The following SLC25A18 variants were observed in gnomAD, a reference collection of about 807,000 sequenced individuals.
SLC25A18 encodes the protein mitochondrial glutamate carrier 2.
Under a neutral mutation model 31.1 loss-of-function variants are expected in SLC25A18, and 24 were observed. The ratio of observed to expected loss-of-function variants is 0.77; its 90% confidence interval spans 0.56 to 1.08. The LOEUF (loss-of-function observed/expected upper bound fraction) is 1.08. Among genes scored for constraint, SLC25A18 ranks in the 50% least tolerant of loss-of-function variants. The pLI is 0.00. For missense variants in SLC25A18, 371 were observed against 418.5 expected, an observed-to-expected ratio of 0.89 and a Z score of 0.99; for synonymous variants, 173 against 161.9, an observed-to-expected ratio of 1.07 and a Z score of -0.52.
intron 6 of SLC25A18, 97 bp downstream of exon 6, chr22:17,582,750 G>A: frequency 9.4e-7 from 1 of 1,063,506 alleles, no homozygotes; most frequent in Non-Finnish European, 1.4e-6. Context: ...ATACCTGCCT[G>A]CATGCATATA....
chr22:17,584,781 C>CAAAAAAAAAAAAAAAAA (rs66948770), intron 7 of SLC25A18, among the ~76,000 whole-genome samples: 1 of 20,068 alleles, frequency 5.0e-5, no homozygotes, highest in Non-Finnish European at 1.1e-4. Flanking sequence ...GAATTCATCT[C>CAAAAAAAAAAAAAAAAA]AAAAAAAAAA....
In SLC25A18 at chr22:17,563,687, G is replaced by A. The variant is rs890776283; in HGVS notation, c.-290G>A. The A allele has an allele frequency of 1.2e-5, 12 of 985,214 alleles. No homozygotes were observed. Among genetic ancestry groups the A allele is most frequent in the African/African-American group, 7.0e-5 (4 of 57,194 alleles). The allele number at this position is 985,214 out of a possible 1,614,324, so 61.0% of individuals were successfully genotyped here. A position where few individuals can be genotyped will look rare whatever the true frequency, so the allele number is the denominator to read the frequency against. ...GAGTGCCTCAACAACTGAGATGAACGTCGACTCGCTTGCAGGCAAGTTGTC... is the reference window on the plus strand; with the variant it reads ...GAGTGCCTCAACAACTGAGATGAACATCGACTCGCTTGCAGGCAAGTTGTC... On this transcript the variant is annotated 5_prime_UTR_variant, in exon 1 of 11. Transcript: ENST00000327451.
intron 2 of SLC25A18, among the ~76,000 whole-genome samples, chr22:17,571,500 G>A (rs893246463): frequency 2.0e-5 from 3 of 152,092 alleles, no homozygotes; most frequent in Admixed American, 1.3e-4. Flanking sequence ...CAGCCGGGGC[G>A]CAGTGGCTCA....
chr22:17,580,830 C>T, intron 3 of SLC25A18: 2 of 1,314,396 alleles, frequency 1.5e-6, no homozygotes, highest in Non-Finnish European at 1.9e-6. Context: ...CAGGGACTTC[C>T]CGGGTTGCAG....
At position 17,588,093 on chromosome 22, in the gene SLC25A18, AGACGT is replaced by A. The variant is rs1253273831; in HGVS notation, c.730+16_730+20del. On this transcript the variant is annotated intron_variant, in intron 9 of 10. Coordinates refer to ENST00000327451, the MANE Select transcript of SLC25A18 (RefSeq NM_031481.3). ...CGCCTCTAGATGGTAAGGAGTTGGG[AGACGT>A]GTCCTTTCTATGGGATAAACAGTAA... 4 of 1,613,598 alleles carry A rather than the reference AGACGT, an allele frequency of 2.5e-6. 1 individual carries two copies. The South Asian group carries it at 4.4e-5, about 18-fold the overall frequency.
At chr22:17,582,365 G>C (rs538049740) in intron 5 of SLC25A18, 198 bp from the exon 6 acceptor site, 1 of 466,984 alleles carries the variant, frequency 2.1e-6, no homozygotes, top group South Asian at 3.3e-5. Flanking sequence ...GACAGAGCGA[G>C]ACTCCATCTA....
chr22:17,584,446 G>GGAAGGAAAGAGAGAGAGA (rs1205165235), intron 7 of SLC25A18, among the ~76,000 whole-genome samples: 2 of 116,822 alleles, frequency 1.7e-5, no homozygotes, highest in African/African-American at 6.9e-5. Flanking sequence ...AAGGAAGGAA[G>GGAAGGAAAGAGAGAGAGA]GAGAGAGAGA....
At chr22:17,588,169 G>T (rs747968762) in intron 9 of SLC25A18, 90 bp downstream of exon 9, 2 of 1,499,832 alleles carry the variant, frequency 1.3e-6, no homozygotes, top group Non-Finnish European at 1.8e-6. Context: ...AGCCATACTG[G>T]GTTGCAATCT....
At chr22:17,584,781 C>CAAA (rs66948770) in intron 7 of SLC25A18, among the ~76,000 whole-genome samples, 243 of 20,040 alleles carry the variant, frequency 0.012, 25 homozygotes, top group Non-Finnish European at 0.02. Flanking sequence ...GAATTCATCT[C>CAAA]AAAAAAAAAA....
chr22:17,566,095 A>G (rs191792810), intron 1 of SLC25A18, among the ~76,000 whole-genome samples: 42 of 152,212 alleles, frequency 2.8e-4, no homozygotes, highest in Non-Finnish European at 5.4e-4. Context: ...ATCCGCACCA[A>G]TGCCGATCTC....
chr22:17,571,332 G>A (rs918929635), intron 2 of SLC25A18, among the ~76,000 whole-genome samples: 4 of 152,300 alleles, frequency 2.6e-5, no homozygotes, highest in East Asian at 3.9e-4. Flanking sequence ...GGAATGGGAC[G>A]TTTTTAAACA....
intron 2 of SLC25A18, among the ~76,000 whole-genome samples, chr22:17,574,742 G>A (rs1037594622): frequency 2.8e-4 from 42 of 150,046 alleles, no homozygotes; most frequent in East Asian, 3.9e-4. Context: ...GGCTGGTCTC[G>A]AACTCCTGAC....
intron 1 of SLC25A18, chr22:17,569,610 A>G: frequency 1.0e-6 from 1 of 985,326 alleles, no homozygotes; most frequent in Middle Eastern, 5.2e-4. Flanking sequence ...CAGGTCTCTG[A>G]GTGGGCGGTG....
In SLC25A18 at chr22:17,589,677, T is replaced by C. The variant is rs1245277666; in HGVS notation, c.806+12T>C. On this transcript the variant is annotated intron_variant, in intron 10 of 10. Coordinates refer to ENST00000327451, the MANE Select transcript of SLC25A18 (RefSeq NM_031481.3). Reference sequence around the variant, plus strand: ...ACCGACTGTGCCAGGTGAGAGCCAGTGTCCCCTCAAATGGTGGCTGGGACA... The same window carrying C: ...ACCGACTGTGCCAGGTGAGAGCCAGCGTCCCCTCAAATGGTGGCTGGGACA... 2.5e-6 allele frequency: 4 copies of C among 1,613,670 alleles called. No individual in the cohort carries two copies. Among genetic ancestry groups the C allele is most frequent in the Non-Finnish European group, 3.4e-6 (4 of 1,179,674 alleles).
chr22:17,589,377 T>A (rs2057651328), intron 9 of SLC25A18, among the ~76,000 whole-genome samples: 1 of 151,790 alleles, frequency 6.6e-6, no homozygotes, highest in Non-Finnish European at 1.5e-5. Flanking sequence ...GGGGTTTCAC[T>A]ATGTTGGCCA....
At chr22:17,566,201 C>T (rs1299776450) in intron 1 of SLC25A18, among the ~76,000 whole-genome samples, 1 of 152,158 alleles carries the variant, frequency 6.6e-6, no homozygotes, top group Non-Finnish European at 1.5e-5. Context: ...CTACTTTAAG[C>T]TCATGTCAGC....
intron 2 of SLC25A18, 100 bp from the exon 3 acceptor site, chr22:17,579,645 T>G: frequency 9.8e-7 from 1 of 1,016,770 alleles, no homozygotes; most frequent in Non-Finnish European, 1.3e-6. Context: ...CCAAAAGGTT[T>G]AGGAAGGGAA....
At position 17,566,803 on chromosome 22, in the gene SLC25A18, G is replaced by A. The variant is rs564185883; in HGVS notation, c.-264+3090G>A. 3.9e-5 allele frequency among the ~76,000 whole-genome samples: 6 copies of A among 152,206 alleles called. No individual in the cohort carries two copies. The East Asian group carries it at 1.2e-3, about 29-fold the overall frequency. On this transcript the variant is annotated intron_variant, in intron 1 of 10. Transcript: ENST00000327451. ...CACTGCCAGAGACCTGAACTGTCCC[G>A]TCGGGTCCCTACTCCATAGCATCCT...
At position 17,589,602 on chromosome 22, in the gene SLC25A18, G is replaced by C; in HGVS notation, c.743G>C (p.Arg248Pro). ...TTACTTGATTTAGTTCTGAAAACTC[G>C]AATCCAAACCCTCAAGAAAGGCCTG... is the stretch of plus-strand genomic sequence containing the variant. The part of the protein sequence containing the change: ...AVTPLDVLKT[R>P]IQTLKKGLGE... The change falls in exon 10 of 11, where the codon CGA becomes CCA. Residue 248 changes from arginine (R) to proline (P), a missense_variant. Coordinates refer to ENST00000327451, the MANE Select transcript of SLC25A18 (RefSeq NM_031481.3). 1 of 1,614,034 alleles carries C rather than the reference G, an allele frequency of 6.2e-7. No individual in the cohort carries two copies. Among genetic ancestry groups the C allele is most frequent in the African/African-American group, 1.3e-5 (1 of 75,024 alleles).
Sources: allele counts gnomAD v4.1 joint callset (sites outside exome capture counted in the v4.1 genomes callset), GRCh38; gene constraint gnomAD v4.1.1; transcripts MANE v1.5; gene names NCBI Gene and HGNC (gene_info 2026-07-23, HGNC 2026-07-21).